Variants in DEPDC5 observed in about 807,000 individuals in gnomAD.
The protein encoded by DEPDC5 is DEP domain containing 5, GATOR1 subcomplex subunit.
Under a neutral mutation model 217.3 loss-of-function variants are expected in DEPDC5, and 73 were observed. The ratio of observed to expected loss-of-function variants is 0.34; its 90% CI spans 0.28 to 0.41. The LOEUF (loss-of-function observed/expected upper bound fraction) is 0.41, where lower values mean the gene tolerates loss of function less well. Among genes scored for constraint, DEPDC5 ranks in the 10% least tolerant of loss-of-function variants. The pLI, the probability that DEPDC5 is intolerant of heterozygous loss-of-function variation, is 1.00. For synonymous variants in DEPDC5, 733 were observed against 756.7 expected (o/e 0.97, Z 0.51); for missense variants, 1,675 against 2,070.1 (o/e 0.81, Z 3.70).
intron 21 of DEPDC5, chr22:31,816,818 G>A (rs1298916739): frequency 6.5e-6 from 1 of 152,762 alleles, no homozygotes; most frequent in African/African-American, 2.4e-5. Context: ...GGTTTCGCAG[G>A]GGGAGCTCAT....
intron 38 of DEPDC5, among the ~76,000 whole-genome samples, chr22:31,880,773 C>T (rs2093151549): frequency 6.6e-6 from 1 of 152,114 alleles, no homozygotes; most frequent in South Asian, 2.1e-4. Context: ...GCCTGTAATC[C>T]CAGCACTTTG....
chr22:31,763,099 T>C (rs1310042223), intron 4 of DEPDC5, among the ~76,000 whole-genome samples: 1 of 152,072 alleles, frequency 6.6e-6, no homozygotes, highest in Non-Finnish European at 1.5e-5. Context: ...CAAGGGATTC[T>C]CCTGCCTCAG....
At chr22:31,848,315 G>A (rs1056117093) in intron 31 of DEPDC5, among the ~76,000 whole-genome samples, 1 of 152,224 alleles carries the variant, frequency 6.6e-6, no homozygotes, top group African/African-American at 2.4e-5. Flanking sequence ...CAGTGCCCCA[G>A]TGGAGACTTT....
At chr22:31,839,525 C>CT (rs397750162) in intron 27 of DEPDC5, among the ~76,000 whole-genome samples, 10 of 151,928 alleles carry the variant, frequency 6.6e-5, no homozygotes, top group Admixed American at 3.9e-4. Flanking sequence ...AAGACCCCCC[C>CT]TCCCCTGATC....
chr22:31,881,861 G>T (rs947458241), intron 38 of DEPDC5, among the ~76,000 whole-genome samples: 1 of 151,686 alleles, frequency 6.6e-6, no homozygotes, highest in South Asian at 2.1e-4. Flanking sequence ...CAGGAGAATC[G>T]CTTGAATCTG....
At chr22:31,867,285 G>T (rs577148867) in intron 33 of DEPDC5, among the ~76,000 whole-genome samples, 2 of 152,118 alleles carry the variant, frequency 1.3e-5, no homozygotes, top group East Asian at 3.9e-4. Flanking sequence ...GGAAATTCAG[G>T]TAAAGAAAAA....
At chr22:31,759,425 G>A (rs1340467482) in intron 3 of DEPDC5, among the ~76,000 whole-genome samples, 3 of 149,836 alleles carry the variant, frequency 2.0e-5, no homozygotes, top group Admixed American at 1.3e-4. Flanking sequence ...CCAGGCTGAA[G>A]TGCAGTGGTG....
intron 8 of DEPDC5, among the ~76,000 whole-genome samples, chr22:31,782,454 A>C (rs2084552974): frequency 1.3e-5 from 2 of 152,172 alleles, no homozygotes; most frequent in Non-Finnish European, 1.5e-5. Flanking sequence ...TCAGTCTTTA[A>C]GGAGCAGGTC....
intron 30 of DEPDC5, among the ~76,000 whole-genome samples, chr22:31,845,585 C>A (rs2091680440): frequency 6.6e-6 from 1 of 152,128 alleles, no homozygotes; most frequent in Non-Finnish European, 1.5e-5. Context: ...CAGCAGCAGT[C>A]CTTCCTCACT....
intron 10 of DEPDC5, among the ~76,000 whole-genome samples, chr22:31,789,314 T>C (rs139666286): frequency 1.6e-3 from 250 of 152,362 alleles, no homozygotes; most frequent in African/African-American, 5.2e-3. Context: ...TAAAGAAGAA[T>C]GAAGTACTAA....
chr22:31,818,262 A>T lies in DEPDC5; in HGVS notation c.1667-760A>T, dbSNP rs548473564. 6.6e-5 allele frequency among the ~76,000 whole-genome samples: 10 copies of T among 151,738 alleles called. No homozygotes were observed. In the East Asian group the frequency reaches 1.9e-3, roughly 29 times the overall value. ...GGCTGGAGGCATCCATTTCTTCGTT[A>T]TTTTTTTCTCAGTAATTTTTTTAGC... On this transcript the variant is annotated intron_variant, in intron 21 of 42. Coordinates refer to ENST00000651528, the MANE Select transcript of DEPDC5 (RefSeq NM_001242896.3).
At chr22:31,768,439 A>G (rs1054494795) in intron 6 of DEPDC5, among the ~76,000 whole-genome samples, 7 of 152,136 alleles carry the variant, frequency 4.6e-5, no homozygotes, top group African/African-American at 1.4e-4. Context: ...TGAGGGTTCC[A>G]TTTTCTAAAG....
Position 31,792,125 on chromosome 22 carries a change from C to T in DEPDC5, c.694+23C>T, listed in dbSNP as rs199714363. On this transcript the variant is annotated intron_variant, in intron 11 of 42. Transcript: ENST00000651528. ...TTGGTGAGTAACTATTTCTCTCCTA[C>T]AGTTATGTTTTTGTTAAGCTTCCCC... 9.2e-4 allele frequency: 1,444 copies of T among 1,569,444 alleles called. 2 individuals are homozygous for T. Among genetic ancestry groups the T allele is most frequent in the Non-Finnish European group, 1.2e-3 (1,319 of 1,142,212 alleles).
At chr22:31,877,101 C>G (rs541679656) in intron 37 of DEPDC5, among the ~76,000 whole-genome samples, 1 of 151,662 alleles carries the variant, frequency 6.6e-6, no homozygotes, top group Non-Finnish European at 1.5e-5. Flanking sequence ...CGAGATTGTG[C>G]TGCTGTACTG....
intron 26 of DEPDC5, 29 bp from the exon 27 acceptor site, chr22:31,838,656 C>G: frequency 6.2e-7 from 1 of 1,610,848 alleles, no homozygotes; most frequent in Non-Finnish European, 8.5e-7. Flanking sequence ...GGCCAAGCAT[C>G]TGTATGAGCA....
intron 6 of DEPDC5, 111 bp from the exon 7 acceptor site, chr22:31,768,703 G>A: frequency 3.3e-6 from 3 of 906,978 alleles, no homozygotes; most frequent in South Asian, 3.3e-5. Context: ...AGAAAGCTAG[G>A]AGTTCTTGTT....
intron 17 of DEPDC5, 59 bp from the exon 18 acceptor site, chr22:31,806,062 TG>T (rs1426095353): frequency 6.8e-6 from 10 of 1,474,850 alleles, no homozygotes; most frequent in Non-Finnish European, 9.4e-6. Flanking sequence ...ATTTTAACTG[TG>T]TTTTGAGTTT....
rs775071751 is a variant in DEPDC5 at position 31,879,711 on chromosome 22, G to A, written c.3992G>A (p.Ser1331Asn). The change falls in exon 38 of 43, where the codon AGC becomes AAC. Residue 1331 changes from serine (S) to asparagine (N), a missense_variant. Ser to Asn is a conservative substitution (Grantham distance 46, BLOSUM62 1). This residue lies in a region of DEPDC5 where 182 missense variants were observed against 290.1 expected (regional missense o/e 0.63). Transcript: ENST00000651528. The part of the protein sequence containing the change: ...ASYASRHSSF[S>N]RSFGGRSQAA... ...TATGCAAGTAGGCACAGCTCCTTTA[G>A]CCGAAGTTTTGGAGGACGGAGCCAG... 6 of 1,614,114 alleles carry A rather than the reference G, an allele frequency of 3.7e-6. No homozygotes were observed. Among genetic ancestry groups the A allele is most frequent in the South Asian group, 1.1e-5 (1 of 91,090 alleles).
chr22:31,857,509 A>G lies in DEPDC5; in HGVS notation c.3220A>G (p.Ser1074Gly), dbSNP rs778292246. 2 of 1,612,526 alleles carry G rather than the reference A, an allele frequency of 1.2e-6. No homozygotes were observed. ...GAGCTCCGCCCAGTCAGCCGAGAGC[A>G]GCAGCGTTGCCATGACTCCCACCTA... ...GKSSAQSAES[S>G]SVAMTPTYMD... is the part of the protein sequence containing the mutation. Residue 1074 changes from serine (S) to glycine (G), a missense_variant, in exon 32 of 43, where the codon AGC becomes GGC. Ser to Gly is a moderately conservative substitution (Grantham distance 56). Coordinates refer to ENST00000651528, the MANE Select transcript of DEPDC5 (RefSeq NM_001242896.3).
Sources: allele counts gnomAD v4.1 joint callset (sites outside exome capture counted in the v4.1 genomes callset), GRCh38; gene constraint gnomAD v4.1.1; regional missense constraint gnomAD v4.1.1; transcripts MANE v1.5; gene names NCBI Gene and HGNC (gene_info 2026-07-23, HGNC 2026-07-21).